The following ITPKC variants were observed in gnomAD, a reference collection of about 807,000 sequenced individuals.
ITPKC encodes IP3 3-kinase C.
A neutral mutation model predicts 67.1 loss-of-function variants in ITPKC; 33 were observed. The ratio of observed to expected loss-of-function variants is 0.49; its 90% CI spans 0.37 to 0.66. The LOEUF (loss-of-function observed/expected upper bound fraction) is 0.66. ITPKC is among the 30% of genes least tolerant of loss of function. ITPKC has a pLI of 0.00. For missense variants in ITPKC, 820 were observed against 892.1 expected, an observed-to-expected ratio of 0.92 and a Z score of 1.03; for synonymous variants, 341 against 359.8, an observed-to-expected ratio of 0.95 and a Z score of 0.59.
chr19:40,729,453 A>G (rs1218750377), intron 3 of ITPKC, 38 bp downstream of exon 3: 2 of 1,550,390 alleles, frequency 1.3e-6, no homozygotes. Flanking sequence ...GATGGAGGGC[A>G]GGGGGTGGGC....
intron 6 of ITPKC, among the ~76,000 whole-genome samples, chr19:40,738,924 G>A (rs964502683): frequency 2.0e-5 from 3 of 152,072 alleles, no homozygotes; most frequent in African/African-American, 4.8e-5. Context: ...GGTGGGTTGC[G>A]GATACAGCAT....
At chr19:40,732,029 G>A (rs1460783392) in intron 3 of ITPKC, among the ~76,000 whole-genome samples, 1 of 151,872 alleles carries the variant, frequency 6.6e-6, no homozygotes, top group Non-Finnish European at 1.5e-5. Context: ...CTTGAGGCCA[G>A]TTCAAGACAA....
intron 2 of ITPKC, 137 bp downstream of exon 2, chr19:40,725,576 C>G: frequency 1.5e-6 from 1 of 685,110 alleles, no homozygotes; most frequent in Non-Finnish European, 2.6e-6. Flanking sequence ...ATGGGCAGTG[C>G]TTAGGCCTGG....
At position 40,739,704 on chromosome 19, in the gene ITPKC, C is replaced by T. The variant is rs1254383332; in HGVS notation, c.*144C>T. 7 of 692,930 alleles carry T rather than the reference C, an allele frequency of 1.0e-5. No individual in the cohort carries two copies. The highest frequency in any genetic ancestry group is 1.9e-5 in the South Asian group (1 of 53,126). 42.9% of individuals were successfully genotyped at this position (692,930 alleles called of 1,614,324 possible). Reference sequence around the variant, plus strand: ...TGTGTCATGTGCCACACGAGACCAACGTGGAAAAGTCTGAAGGGCCTTGGG... The same window carrying T: ...TGTGTCATGTGCCACACGAGACCAATGTGGAAAAGTCTGAAGGGCCTTGGG... On this transcript the variant is annotated 3_prime_UTR_variant, in exon 7 of 7. Coordinates refer to ENST00000263370, the MANE Select transcript of ITPKC (RefSeq NM_025194.3).
In ITPKC at chr19:40,718,220, C is replaced by A. The variant is rs763091217; in HGVS notation, c.1085C>A (p.Ser362Tyr). The stretch of plus-strand genomic sequence containing the variant: ...AGCGGCGGCTTCTCCTCTGCCTCTT[C>A]TTTCGACGAGTCTGAGGATGACGTG... ...GGSGGFSSAS[S>Y]FDESEDDVVA... The change falls in exon 1 of 7, where the codon TCT becomes TAT. Residue 362 changes from serine to tyrosine, a missense_variant. Ser to Tyr is a moderately radical substitution (Grantham distance 144). Coordinates refer to ENST00000263370, the MANE Select transcript of ITPKC (RefSeq NM_025194.3). 1.3e-6 allele frequency: 2 copies of A among 1,546,380 alleles called. No individual in the cohort carries two copies. Among genetic ancestry groups the A allele is most frequent in the Non-Finnish European group, 1.7e-6 (2 of 1,152,048 alleles).
intron 6 of ITPKC, 101 bp downstream of exon 6, chr19:40,737,870 G>A: frequency 9.5e-7 from 1 of 1,055,432 alleles, no homozygotes; most frequent in Non-Finnish European, 1.5e-6. Flanking sequence ...ATAAAAAGGG[G>A]CTGGGCGTTG....
In ITPKC at chr19:40,737,795, G is replaced by A. The variant is rs765825251; in HGVS notation, c.1848+26G>A. On this transcript the variant is annotated intron_variant, in intron 6 of 6. Transcript: ENST00000263370. Reference sequence around the variant, plus strand: ...GTGCGAGCCCTGGCTTCCATGGGTGGATGTATGGGTGTCGGGGTCCAGGTG... The same window carrying A: ...GTGCGAGCCCTGGCTTCCATGGGTGAATGTATGGGTGTCGGGGTCCAGGTG... The A allele has an allele frequency of 8.2e-6, 13 of 1,588,838 alleles. No individual in the cohort carries two copies. The African/African-American group carries it at 1.5e-4, about 18-fold the overall frequency.
intron 4 of ITPKC, among the ~76,000 whole-genome samples, chr19:40,734,783 T>TG (rs201112271): frequency 8.4e-4 from 90 of 106,976 alleles, no homozygotes; most frequent in Admixed American, 3.2e-3. Context: ...TAATTGTTGT[T>TG]TTTTTTTTTT....
intron 1 of ITPKC, among the ~76,000 whole-genome samples, chr19:40,721,655 C>T (rs2082223099): frequency 1.3e-5 from 2 of 151,980 alleles, no homozygotes; most frequent in African/African-American, 2.4e-5. Flanking sequence ...AAGCATGAGC[C>T]ACTGTGCCCG....
In ITPKC at chr19:40,735,218, C is replaced by T. The variant is rs145454716; in HGVS notation, c.1675-1768C>T. 5.6e-4 allele frequency among the ~76,000 whole-genome samples: 86 copies of T among 152,324 alleles called. 1 individual carries two copies. Among genetic ancestry groups the T allele is most frequent in the African/African-American group, 1.9e-3 (80 of 41,570 alleles). On this transcript the variant is annotated intron_variant, in intron 4 of 6. Coordinates refer to ENST00000263370, the MANE Select transcript of ITPKC (RefSeq NM_025194.3). ...ATAGGCGTGAGCCACCACGCCCAAC[C>T]TCTCATTCCTCTCATTCTTTCTGTG... is the stretch of plus-strand genomic sequence containing the variant.
At chr19:40,722,996 T>C (rs1264246669) in intron 1 of ITPKC, among the ~76,000 whole-genome samples, 4 of 151,790 alleles carry the variant, frequency 2.6e-5, no homozygotes, top group African/African-American at 4.8e-5. Context: ...GAGTCTCGCT[T>C]TCTCGCCCAG....
chr19:40,736,159 C>T (rs937151951), intron 4 of ITPKC, among the ~76,000 whole-genome samples: 4 of 151,870 alleles, frequency 2.6e-5, no homozygotes, highest in Admixed American at 6.6e-5. Context: ...GGCGTGGTGG[C>T]GGGAGCCTGT....
chr19:40,717,442 G>C lies in ITPKC; in HGVS notation c.307G>C (p.Gly103Arg), dbSNP rs76358638. 6.2e-7 allele frequency: 1 copy of C among 1,614,024 alleles called. No individual in the cohort carries two copies. The highest frequency in any genetic ancestry group is 1.7e-5 in the Admixed American group (1 of 60,026). Reference sequence around the variant, plus strand: ...GACTGAGCCCGCGGCAGCTGGCCTTGGAGTAGAGACCGAGAGGCCCAAGCA... The same window carrying C: ...GACTGAGCCCGCGGCAGCTGGCCTTCGAGTAGAGACCGAGAGGCCCAAGCA... ...GQTEPAAAGL[G>R]VETERPKQKT... Residue 103 changes from glycine to arginine, a missense_variant, in exon 1 of 7, where the codon GGA becomes CGA. Transcript: ENST00000263370.
Position 40,717,572 on chromosome 19 carries a change from G to C in ITPKC, c.437G>C (p.Trp146Ser), listed in dbSNP as rs1226008839. The change falls in exon 1 of 7, where the codon TGG becomes TCG. Residue 146 changes from tryptophan (W) to serine (S), a missense_variant. Around this residue, in one of 2 missense-constraint regions of ITPKC, gnomAD observed 481 missense variants for 470.1 expected, o/e 1.02. Transcript: ENST00000263370. ...ACGGAGACCGGGACAGATGGCCTTT[G>C]GACTGATCCGCACAGGTCCGACCTC... ...LWTETGTDGL[W>S]TDPHRSDLQF... 4 of 1,614,008 alleles carry C rather than the reference G, an allele frequency of 2.5e-6. No individual in the cohort carries two copies. In the African/African-American group the frequency reaches 5.3e-5, roughly 22 times the overall value.
At chr19:40,718,495 C>T (rs1166221528) in intron 1 of ITPKC, among the ~76,000 whole-genome samples, 1 of 152,170 alleles carries the variant, frequency 6.6e-6, no homozygotes, top group Non-Finnish European at 1.5e-5. Flanking sequence ...TCTCTCCTTT[C>T]CCCTTCCTGC....
rs376833125 is a variant in ITPKC at position 40,739,536 on chromosome 19, C to T, written c.2028C>T (p.Leu676=). ...YLWGLDNMIC[L]LQGLAQS ...GGGGCCTGGACAACATGATCTGCCTCCTGCAGGGGCTGGCACAGAGCTGAG... is the reference window on the plus strand; with the variant it reads ...GGGGCCTGGACAACATGATCTGCCTTCTGCAGGGGCTGGCACAGAGCTGAG... The change falls in exon 7 of 7, where the codon CTC becomes CTT. Residue 676 remains leucine, a synonymous_variant. Coordinates refer to ENST00000263370, the MANE Select transcript of ITPKC (RefSeq NM_025194.3). The T allele has an allele frequency of 2.5e-6, 4 of 1,613,432 alleles. No individual in the cohort carries two copies. The highest frequency in any genetic ancestry group is 2.2e-5 in the East Asian group (1 of 44,886).
chr19:40,731,244 C>T (rs370975453), intron 3 of ITPKC, among the ~76,000 whole-genome samples: 1 of 152,328 alleles, frequency 6.6e-6, no homozygotes, highest in East Asian at 1.9e-4. Context: ...AACTCCACCT[C>T]CTGTCAGACT....
intron 1 of ITPKC, among the ~76,000 whole-genome samples, chr19:40,723,374 G>A (rs1013741970): frequency 2.6e-5 from 4 of 152,174 alleles, no homozygotes; most frequent in Non-Finnish European, 4.4e-5. Context: ...GATTACAGGC[G>A]TAAGCCATCG....
chr19:40,725,266 C>T (rs1487850760), intron 1 of ITPKC, 74 bp from the exon 2 acceptor site: 4 of 942,332 alleles, frequency 4.2e-6, no homozygotes, highest in Non-Finnish European at 6.9e-6. Flanking sequence ...CTTTCGTTCC[C>T]TCTCATGGCA....
Sources: allele counts gnomAD v4.1 joint callset (sites outside exome capture counted in the v4.1 genomes callset), GRCh38; gene constraint gnomAD v4.1.1; regional missense constraint gnomAD v4.1.1; transcripts MANE v1.5; gene names NCBI Gene and HGNC (gene_info 2026-07-23, HGNC 2026-07-21).